The following FRMD4A variants were observed in gnomAD, a reference collection of about 807,000 sequenced individuals.
FRMD4A encodes FERM domain-containing protein 4A.
FRMD4A carries 29 observed loss-of-function variants against 129.1 expected under a neutral mutation model. The ratio of observed to expected loss-of-function variants is 0.22; its 90% CI spans 0.17 to 0.31. The LOEUF is 0.31. FRMD4A is among the 10% of genes least tolerant of loss of function. FRMD4A has a pLI of 1.00. For synonymous variants in FRMD4A, 634 were observed against 571.6 expected, an observed-to-expected ratio of 1.11 and a Z score of -1.56; for missense variants, 1,272 against 1,375.8, an observed-to-expected ratio of 0.92 and a Z score of 1.19.
intron 8 of FRMD4A, among the ~76,000 whole-genome samples, chr10:13,755,820 G>C (rs1187540606): frequency 6.6e-6 from 1 of 152,160 alleles, no homozygotes; most frequent in African/African-American, 2.4e-5. Context: ...ATTTCATCTT[G>C]TAGAGATGTC....
Position 13,740,507 on chromosome 10 carries a change from C to T in FRMD4A, c.614+5G>A. ...CCCCATGTGAGCTGGGAAGGGGCCA[C>T]TTACTTTACGATTGCTTGACCTCTT... On this transcript the variant is annotated splice_donor_5th_base_variant and intron_variant, in intron 10 of 24. Coordinates refer to ENST00000357447, the MANE Select transcript of FRMD4A (RefSeq NM_018027.5). The T allele has an allele frequency of 6.5e-7, 1 of 1,547,548 alleles. No homozygotes were observed. The highest frequency in any genetic ancestry group is 2.2e-5 in the East Asian group (1 of 44,596).
intron 8 of FRMD4A, among the ~76,000 whole-genome samples, chr10:13,750,285 G>A (rs541296025): frequency 1.3e-5 from 2 of 152,300 alleles, no homozygotes; most frequent in South Asian, 4.1e-4. Context: ...AATCTAAATG[G>A]TAAGGCCAGG....
intron 18 of FRMD4A, among the ~76,000 whole-genome samples, 159 bp downstream of exon 18, chr10:13,665,938 G>A (rs1320542498): frequency 6.6e-6 from 1 of 152,218 alleles, no homozygotes; most frequent in Non-Finnish European, 1.5e-5. Context: ...TCTCATGTGG[G>A]ATCAGGCCTT....
intron 2 of FRMD4A, among the ~76,000 whole-genome samples, chr10:13,941,008 G>A (rs994371007): frequency 5.3e-5 from 8 of 152,248 alleles, no homozygotes; most frequent in East Asian, 3.9e-4. Flanking sequence ...GAAAGAGGAC[G>A]GGGAAAGAGA....
chr10:13,659,363 C>A lies in FRMD4A; in HGVS notation c.2026G>T (p.Asp676Tyr), dbSNP rs560340785. The A allele has an allele frequency of 1.2e-6, 2 of 1,614,206 alleles. No homozygotes were observed. The highest frequency in any genetic ancestry group is 2.2e-5 in the South Asian group (2 of 91,076). ...TAGTGGGGACTCCGGACCCGCAGGT[C>A]TGGCGTGGACGGCATGCTGGACTGG... ...NSQSSMPSTP[D>Y]LRVRSPHYVH... The change falls in exon 21 of 25, where the codon GAC becomes TAC. Residue 676 changes from aspartate (D) to tyrosine (Y), a missense_variant. By Grantham distance (160) the Asp-to-Tyr change is radical. Coordinates refer to ENST00000357447, the MANE Select transcript of FRMD4A (RefSeq NM_018027.5).
At chr10:14,156,627 A>T (rs1407429049) in intron 2 of FRMD4A, among the ~76,000 whole-genome samples, 3 of 152,166 alleles carry the variant, frequency 2.0e-5, no homozygotes, top group African/African-American at 7.2e-5. Flanking sequence ...TTCTTAAGCT[A>T]CAAAGAGATC....
intron 3 of FRMD4A, among the ~76,000 whole-genome samples, chr10:13,822,213 G>A (rs1403565615): frequency 6.6e-6 from 1 of 152,174 alleles, no homozygotes; most frequent in African/African-American, 2.4e-5. Context: ...GATTTTTGTA[G>A]CGAGAACATT....
chr10:13,886,598 A>C (rs2094624493), intron 2 of FRMD4A, among the ~76,000 whole-genome samples: 1 of 151,910 alleles, frequency 6.6e-6, no homozygotes, highest in Non-Finnish European at 1.5e-5. Context: ...TTATTTTTTT[A>C]GAGACAGGTT....
intron 2 of FRMD4A, among the ~76,000 whole-genome samples, chr10:13,867,701 ATAATAAATAACATATAATATAATATAT>A (rs2094387118): frequency 6.9e-5 from 1 of 14,532 alleles, no homozygotes; most frequent in African/African-American, 1.2e-4. Context: ...AATATAATAT[ATAATAAATAACATATAATATAATATAT>A]AATAAATAAC....
chr10:14,135,249 G>C (rs1564327838), intron 2 of FRMD4A, among the ~76,000 whole-genome samples: 2 of 152,262 alleles, frequency 1.3e-5, no homozygotes, highest in East Asian at 3.9e-4. Context: ...TAGCTTAATA[G>C]TCAAACAAGA....
intron 2 of FRMD4A, among the ~76,000 whole-genome samples, chr10:14,041,090 G>T (rs1833760914): frequency 6.6e-6 from 1 of 152,126 alleles, no homozygotes; most frequent in African/African-American, 2.4e-5. Flanking sequence ...TTTTAAAATG[G>T]CAACTTGCAG....
At chr10:14,059,361 G>A (rs1834696017) in intron 2 of FRMD4A, among the ~76,000 whole-genome samples, 1 of 152,190 alleles carries the variant, frequency 6.6e-6, no homozygotes, top group Non-Finnish European at 1.5e-5. Context: ...TATCTGGAGA[G>A]GGTGCCTCTA....
chr10:13,893,931 T>C (rs1435959795), intron 2 of FRMD4A, among the ~76,000 whole-genome samples: 1 of 152,216 alleles, frequency 6.6e-6, no homozygotes, highest in Non-Finnish European at 1.5e-5. Context: ...TGTCCTAAAC[T>C]GAACTTGCCT....
chr10:13,708,924 A>AGGCT (rs1270053051), intron 12 of FRMD4A, among the ~76,000 whole-genome samples: 1 of 152,180 alleles, frequency 6.6e-6, no homozygotes, highest in Non-Finnish European at 1.5e-5. Flanking sequence ...TCAGGCAGGC[A>AGGCT]GGCTTTGTGG....
At chr10:14,097,220 T>C (rs1837026542) in intron 2 of FRMD4A, 1 of 150,656 alleles carries the variant, frequency 6.6e-6, no homozygotes, top group African/African-American at 2.4e-5. Context: ...ATATATGCTA[T>C]GGATTCTCTA....
At chr10:13,956,717 C>A (rs962551687) in intron 2 of FRMD4A, among the ~76,000 whole-genome samples, 1 of 152,176 alleles carries the variant, frequency 6.6e-6, no homozygotes, top group Non-Finnish European at 1.5e-5. Context: ...GCAGAGAAAA[C>A]TGTTAGTTTA....
intron 2 of FRMD4A, among the ~76,000 whole-genome samples, chr10:14,150,132 C>A (rs77366210): frequency 6.6e-6 from 1 of 152,158 alleles, no homozygotes; most frequent in Admixed American, 6.5e-5. Flanking sequence ...GAAATCCATC[C>A]CCATGATCCA....
At chr10:13,871,879 A>G (rs74121734) in intron 2 of FRMD4A, among the ~76,000 whole-genome samples, 4,309 of 152,300 alleles carry the variant, frequency 0.028, 180 homozygotes, top group African/African-American at 0.098. Context: ...TCCCTGAGCC[A>G]CACCGCCGGG....
chr10:13,898,381 T>A (rs572568645), intron 2 of FRMD4A, among the ~76,000 whole-genome samples: 87 of 151,988 alleles, frequency 5.7e-4, no homozygotes, highest in African/African-American at 2.1e-3. Flanking sequence ...AATAAAAAAA[T>A]AAAAAATTGA....
Sources: gnomAD v4.1 joint callset for allele counts (sites outside exome capture counted in the v4.1 genomes callset) on GRCh38, gnomAD v4.1.1 for gene constraint, MANE v1.5 for transcripts, NCBI Gene and HGNC (gene_info 2026-07-23, HGNC 2026-07-21) for gene names.